LARP1B: variants seen among roughly 807,000 people sequenced by gnomAD.
LARP1B encodes La ribonucleoprotein 1B, also known as la-related protein 1B.
Under a neutral mutation model 114.2 loss-of-function variants are expected in LARP1B, and 76 were observed. The observed-to-expected ratio is 0.67, with a 90% CI of 0.55 to 0.81. The LOEUF (loss-of-function observed/expected upper bound fraction) is 0.81, where lower values mean the gene tolerates loss of function less well. LARP1B is among the 30% of genes least tolerant of loss of function. The pLI is 0.00. For synonymous variants in LARP1B, 345 were observed against 348.0 expected (o/e 0.99, Z 0.10); for missense variants, 1,014 against 1,075.8 (o/e 0.94, Z 0.80).
chr4:128,163,531 A>G (rs1341181806), intron 12 of LARP1B, among the ~76,000 whole-genome samples: 12 of 152,158 alleles, frequency 7.9e-5, no homozygotes, highest in African/African-American at 2.9e-4. Flanking sequence ...TCTTACCTTA[A>G]TAGGTAGAAT....
In LARP1B at chr4:128,122,047, T is replaced by A; in HGVS notation, c.1383T>A (p.His461Gln). Residue 461 changes from histidine to glutamine, a missense_variant, in exon 11 of 20, where the codon CAT (histidine) becomes CAA (glutamine). His to Gln is a conservative substitution (Grantham distance 24). Transcript: ENST00000326639. ...AGACACCACCTTATGTGAAAAAACA[T>A]CCTGGAGGAGATCGAACAGGCACCC... ...VTQTPPYVKK[H>Q]PGGDRTGTHM... The A allele has an allele frequency of 6.2e-7, 1 of 1,613,972 alleles. No homozygotes were observed. Among genetic ancestry groups the A allele is most frequent in the Middle Eastern group, 1.7e-4 (1 of 6,012 alleles).
At chr4:128,067,208 T>C (rs947956641) in intron 1 of LARP1B, among the ~76,000 whole-genome samples, 2 of 152,176 alleles carry the variant, frequency 1.3e-5, no homozygotes, top group Non-Finnish European at 2.9e-5. Flanking sequence ...CTATTAGTTA[T>C]CTATTAGTGA....
At chr4:128,153,701 A>G (rs1734023910) in intron 11 of LARP1B, among the ~76,000 whole-genome samples, 1 of 152,030 alleles carries the variant, frequency 6.6e-6, no homozygotes, top group Non-Finnish European at 1.5e-5. Context: ...TCTATTCTTA[A>G]GTTTTGGGTT....
At chr4:128,118,561 T>C (rs1786821384) in intron 10 of LARP1B, among the ~76,000 whole-genome samples, 1 of 151,962 alleles carries the variant, frequency 6.6e-6, no homozygotes, top group Non-Finnish European at 1.5e-5. Flanking sequence ...TTATGCATTG[T>C]GCTGAGTATT....
At chr4:128,112,708 A>C (rs1561269521) in intron 9 of LARP1B, among the ~76,000 whole-genome samples, 1 of 151,992 alleles carries the variant, frequency 6.6e-6, no homozygotes, top group Non-Finnish European at 1.5e-5. Context: ...TCCTGACCTT[A>C]GGTGATCCGC....
intron 15 of LARP1B, among the ~76,000 whole-genome samples, chr4:128,185,036 A>G (rs962354343): frequency 6.6e-6 from 1 of 151,978 alleles, no homozygotes; most frequent in Non-Finnish European, 1.5e-5. Context: ...ATGTACATAC[A>G]CATATATATA....
At chr4:128,158,711 CAT>C (rs1169183635) in intron 11 of LARP1B, among the ~76,000 whole-genome samples, 1 of 152,148 alleles carries the variant, frequency 6.6e-6, no homozygotes, top group Admixed American at 6.5e-5. Context: ...TGAGATAACA[CAT>C]ATACCTACCA....
At chr4:128,153,480 A>T (rs377687744) in intron 11 of LARP1B, among the ~76,000 whole-genome samples, 2 of 151,576 alleles carry the variant, frequency 1.3e-5, no homozygotes, top group African/African-American at 2.4e-5. Context: ...TAATTTTTGT[A>T]CTTTTAGTAG....
At chr4:128,193,054 G>T (rs1752784563) in intron 15 of LARP1B, among the ~76,000 whole-genome samples, 1 of 152,048 alleles carries the variant, frequency 6.6e-6, no homozygotes, top group Non-Finnish European at 1.5e-5. Context: ...GGCTGGTCTT[G>T]AACTCCTGGG....
At chr4:128,178,732 ATG>A in intron 14 of LARP1B, 90 bp downstream of exon 14, 1 of 901,110 alleles carries the variant, frequency 1.1e-6, no homozygotes, top group South Asian at 1.6e-5. Context: ...ACATTGAAAA[ATG>A]TGTGTTATAA....
intron 11 of LARP1B, among the ~76,000 whole-genome samples, chr4:128,141,791 G>T (rs1287955295): frequency 1.3e-5 from 2 of 152,122 alleles, no homozygotes; most frequent in East Asian, 3.9e-4. Context: ...GCTTTCTTCT[G>T]CCTTGACCCA....
intron 11 of LARP1B, among the ~76,000 whole-genome samples, chr4:128,147,916 T>C (rs889785395): frequency 6.6e-6 from 1 of 152,212 alleles, no homozygotes; most frequent in African/African-American, 2.4e-5. Flanking sequence ...ATACAGAGTT[T>C]ACAACTTTTT....
intron 1 of LARP1B, among the ~76,000 whole-genome samples, chr4:128,065,311 TTCTTTCTC>T (rs201473823): frequency 0.032 from 2,843 of 87,582 alleles, 62 homozygotes; most frequent in Admixed American, 0.045. Flanking sequence ...CTTTCTTTCT[TTCTTTCTC>T]TCTCTCTCTC....
intron 9 of LARP1B, among the ~76,000 whole-genome samples, chr4:128,111,424 G>T (rs1256593474): frequency 6.6e-6 from 1 of 152,028 alleles, no homozygotes; most frequent in East Asian, 1.9e-4. Flanking sequence ...TCTGGGCCAG[G>T]TGCAGTAGCT....
intron 8 of LARP1B, among the ~76,000 whole-genome samples, chr4:128,106,749 T>A (rs1782240577): frequency 6.6e-6 from 1 of 151,634 alleles, no homozygotes; most frequent in Non-Finnish European, 1.5e-5. Flanking sequence ...ATGTAGTACT[T>A]ATTATTCAAT....
intron 5 of LARP1B, among the ~76,000 whole-genome samples, chr4:128,085,353 CT>C (rs35260726): frequency 0.065 from 5,548 of 85,724 alleles, 468 homozygotes; most frequent in African/African-American, 0.24. Flanking sequence ...CCTTAGCTTC[CT>C]TTTTTTTTTT....
chr4:128,099,525 A>T (rs944968214), intron 8 of LARP1B, among the ~76,000 whole-genome samples: 5 of 151,602 alleles, frequency 3.3e-5, no homozygotes, highest in African/African-American at 1.2e-4. Context: ...CTGATTTTTC[A>T]CTTAGTATTG....
At chr4:128,172,965 G>A (rs1744442369) in intron 12 of LARP1B, among the ~76,000 whole-genome samples, 1 of 151,540 alleles carries the variant, frequency 6.6e-6, no homozygotes, top group Non-Finnish European at 1.5e-5. Flanking sequence ...GTGTGTGTGT[G>A]TGTGTGTATG....
In LARP1B at chr4:128,200,673, A is replaced by G. The variant is rs1755647662; in HGVS notation, c.2309+8A>G. The G allele has an allele frequency of 6.4e-7, 1 of 1,560,562 alleles. No homozygotes were observed. Among genetic ancestry groups the G allele is most frequent in the East Asian group, 2.3e-5 (1 of 43,654 alleles). On this transcript the variant is annotated splice_region_variant and intron_variant, in intron 17 of 19. Transcript: ENST00000326639. The stretch of plus-strand genomic sequence containing the variant: ...TGCAAAAGAAAATTACAGGTCAGAT[A>G]TTTTCTTTTACACTTCAAGGGAGTT...
Sources: allele counts gnomAD v4.1 joint callset (sites outside exome capture counted in the v4.1 genomes callset), GRCh38; gene constraint gnomAD v4.1.1; transcripts MANE v1.5; gene names NCBI Gene and HGNC (gene_info 2026-07-23, HGNC 2026-07-21).